ONECUT2: variants seen among roughly 807,000 people sequenced by gnomAD.
ONECUT2 encodes one cut domain family member 2.
ONECUT2 carries 10 observed loss-of-function variants against 27.9 expected under a neutral mutation model. The ratio of observed to expected loss-of-function variants is 0.36; its 90% CI spans 0.22 to 0.61. The LOEUF (loss-of-function observed/expected upper bound fraction) is 0.61. ONECUT2 is among the 20% of genes least tolerant of loss of function. The pLI, the probability that ONECUT2 is intolerant of heterozygous loss-of-function variation, is 0.73. For missense variants in ONECUT2, 686 were observed against 721.0 expected, an observed-to-expected ratio of 0.95 and a Z score of 0.56; for synonymous variants, 334 against 315.1, an observed-to-expected ratio of 1.06 and a Z score of -0.64.
chr18:57,438,603 T>C (rs1429673314), intron 1 of ONECUT2, among the ~76,000 whole-genome samples: 2 of 152,198 alleles, frequency 1.3e-5, no homozygotes, highest in Non-Finnish European at 2.9e-5. Context: ...AGCATTTTCC[T>C]TTGCCGTCTG....
rs2050167167 is a variant in ONECUT2 at position 57,440,280 on chromosome 18, G to A, written c.1228+3336G>A. On this transcript the variant is annotated intron_variant, in intron 1 of 1. Coordinates refer to ENST00000491143, the MANE Select transcript of ONECUT2 (RefSeq NM_004852.3). ...TCGAGCACACACTCTCGGGCGTTGGGCCCCAGAGACCTCTAAACCAAGCAC... is the reference window on the plus strand; with the variant it reads ...TCGAGCACACACTCTCGGGCGTTGGACCCCAGAGACCTCTAAACCAAGCAC... Among the ~76,000 whole-genome samples, 3 of 152,324 alleles carry A rather than the reference G, an allele frequency of 2.0e-5. No individual in the cohort carries two copies. The South Asian group carries it at 6.2e-4, about 32-fold the overall frequency.
intron 1 of ONECUT2, among the ~76,000 whole-genome samples, chr18:57,452,439 T>TTTATG (rs1472927989): frequency 6.6e-6 from 1 of 152,118 alleles, no homozygotes; most frequent in Non-Finnish European, 1.5e-5. Context: ...TTTATTTTAT[T>TTTATG]TTAGAGACAG....
At chr18:57,442,114 AC>A (rs58797469) in intron 1 of ONECUT2, among the ~76,000 whole-genome samples, 15,495 of 151,992 alleles carry the variant, frequency 0.1, 972 homozygotes, top group South Asian at 0.17. Context: ...ACACCACCAC[AC>A]CCTGCCAACC....
rs78921460 is a variant in ONECUT2 at position 57,474,871 on chromosome 18, G to C, written c.1229-1566G>C. On this transcript the variant is annotated intron_variant, in intron 1 of 1. Transcript: ENST00000491143. ...CATCTGAGCAGCACCCTGGGTGCCA[G>C]TCTTGGGGGAATGTCAGTCCACTGC... is the stretch of plus-strand genomic sequence containing the variant. Among the ~76,000 whole-genome samples, 90 of 152,276 alleles carry C rather than the reference G, an allele frequency of 5.9e-4. 1 individual carries two copies. The East Asian group carries it at 0.016, about 26-fold the overall frequency.
chr18:57,461,583 T>C (rs978594159), intron 1 of ONECUT2, among the ~76,000 whole-genome samples: 8 of 152,198 alleles, frequency 5.3e-5, no homozygotes, highest in African/African-American at 1.9e-4. Flanking sequence ...AGAAGCCCAA[T>C]AAGAGTCACT....
intron 1 of ONECUT2, among the ~76,000 whole-genome samples, chr18:57,459,140 T>A (rs1027617836): frequency 7.2e-5 from 11 of 152,190 alleles, no homozygotes; most frequent in Non-Finnish European, 1.5e-5. Flanking sequence ...CATAAAGTGA[T>A]TGAATGGTTA....
intron 1 of ONECUT2, among the ~76,000 whole-genome samples, chr18:57,440,569 T>G (rs2050168653): frequency 6.6e-6 from 1 of 152,170 alleles, no homozygotes; most frequent in African/African-American, 2.4e-5. Flanking sequence ...CTGAAGCCAA[T>G]TCTGTTCAGG....
At chr18:57,456,127 G>C (rs972739613) in intron 1 of ONECUT2, among the ~76,000 whole-genome samples, 2 of 152,338 alleles carry the variant, frequency 1.3e-5, no homozygotes, top group South Asian at 4.2e-4. Context: ...AACCTTGTGT[G>C]CTGTTGGTGG....
chr18:57,443,626 C>G (rs2050187075), intron 1 of ONECUT2, among the ~76,000 whole-genome samples: 1 of 152,110 alleles, frequency 6.6e-6, no homozygotes, highest in Admixed American at 6.5e-5. Flanking sequence ...GAAAAATGTG[C>G]ATAGGTTTTT....
rs963891090 is a variant in ONECUT2, at chr18:57,481,076, T to C, written c.*4353T>C. 1 of 152,220 alleles carries C rather than the reference T, an allele frequency of 6.6e-6. No individual in the cohort carries two copies. The highest frequency in any genetic ancestry group is 1.5e-5 in the Non-Finnish European group (1 of 68,036). The allele number at this position is 152,220 out of a possible 1,614,324, so 9.4% of individuals were successfully genotyped here. On this transcript the variant is annotated 3_prime_UTR_variant, in exon 2 of 2. Coordinates refer to ENST00000491143, the MANE Select transcript of ONECUT2 (RefSeq NM_004852.3). ...TTACACAAATAGGCTTGCATTGTTT[T>C]TGTTTTAATGTGATTTTGGTACTAG...
intron 1 of ONECUT2, among the ~76,000 whole-genome samples, chr18:57,443,293 A>G (rs1180115707): frequency 6.6e-5 from 10 of 152,170 alleles, no homozygotes; most frequent in Admixed American, 6.5e-4. Flanking sequence ...AGGAGGGTGA[A>G]GACAGAGGCA....
chr18:57,447,324 T>C (rs1236135368), intron 1 of ONECUT2, among the ~76,000 whole-genome samples: 1 of 152,114 alleles, frequency 6.6e-6, no homozygotes, highest in African/African-American at 2.4e-5. Context: ...TTTGAGCGAA[T>C]TGGAGATGGA....
intron 1 of ONECUT2, among the ~76,000 whole-genome samples, chr18:57,446,686 A>T (rs139466882): frequency 6.6e-6 from 1 of 152,228 alleles, no homozygotes; most frequent in African/African-American, 2.4e-5. Context: ...AGTAGCTTAA[A>T]GGGCTTTTTC....
intron 1 of ONECUT2, among the ~76,000 whole-genome samples, chr18:57,467,735 C>T (rs1401223073): frequency 6.6e-6 from 1 of 152,204 alleles, no homozygotes; most frequent in African/African-American, 2.4e-5. Context: ...GAGATTTGTC[C>T]TGTGTCAGAG....
At chr18:57,446,235 G>A (rs1374206685) in intron 1 of ONECUT2, among the ~76,000 whole-genome samples, 1 of 152,222 alleles carries the variant, frequency 6.6e-6, no homozygotes, top group Non-Finnish European at 1.5e-5. Context: ...TTTCCCAACT[G>A]CTGAATCATG....
In ONECUT2 at chr18:57,490,568, G is replaced by C. The variant is rs2050460490; in HGVS notation, c.*13845G>C. ...TAAATTATGGGAAAATGGCTATAGA[G>C]TGTGAGCCTCCGTTGACCATATGCT... On this transcript the variant is annotated 3_prime_UTR_variant, in exon 2 of 2. Coordinates refer to ENST00000491143, the MANE Select transcript of ONECUT2 (RefSeq NM_004852.3). 6.6e-6 allele frequency: 1 copy of C among 152,088 alleles called. No individual in the cohort carries two copies. The highest frequency in any genetic ancestry group is 6.5e-5 in the Admixed American group (1 of 15,270). The allele number at this position is 152,088 out of a possible 1,614,324, so 9.4% of individuals were successfully genotyped here. A position where few individuals can be genotyped will look rare whatever the true frequency, so the allele number is the denominator to read the frequency against.
Position 57,487,223 on chromosome 18 carries a change from A to G in ONECUT2, c.*10500A>G, listed in dbSNP as rs1455490013. The G allele has an allele frequency of 2.0e-5, 3 of 152,506 alleles. No individual in the cohort carries two copies. The highest frequency in any genetic ancestry group is 7.2e-5 in the African/African-American group (3 of 41,448). 9.4% of individuals were successfully genotyped at this position (152,506 alleles called of 1,614,324 possible). ...TTGGGTTCCAGCTTTATAATGAGAA[A>G]CGTTATTCCTAATTTTTGAGTTAGC... On this transcript the variant is annotated 3_prime_UTR_variant, in exon 2 of 2. Coordinates refer to ENST00000491143, the MANE Select transcript of ONECUT2 (RefSeq NM_004852.3).
chr18:57,437,002 C>T, intron 1 of ONECUT2, 58 bp downstream of exon 1: 4 of 1,513,662 alleles, frequency 2.6e-6, no homozygotes, highest in East Asian at 4.9e-5. Flanking sequence ...GGGTCCGGTG[C>T]TTGTGGCCCA....
chr18:57,467,114 A>G (rs76994448), intron 1 of ONECUT2: 22,879 of 454,822 alleles, frequency 0.05, 2,117 homozygotes, highest in East Asian at 0.37. Context: ...GTGACTTTGT[A>G]TTGAAAGTAA....
Sources: allele counts gnomAD v4.1 joint callset (sites outside exome capture counted in the v4.1 genomes callset), GRCh38; gene constraint gnomAD v4.1.1; transcripts MANE v1.5; gene names NCBI Gene and HGNC (gene_info 2026-07-23, HGNC 2026-07-21).